The following RP1L1 variants were observed in gnomAD, a reference collection of about 807,000 sequenced individuals.
The protein encoded by RP1L1 is RP1 like 1, also known as retinitis pigmentosa 1-like 1 protein.
A neutral mutation model predicts 15.7 loss-of-function variants in RP1L1; 27 were observed. The ratio of observed to expected loss-of-function variants is 1.72; its 90% CI spans 1.27 to 2.38. The LOEUF (loss-of-function observed/expected upper bound fraction) is 2.38. RP1L1 is among the 30% of genes most tolerant of loss of function. The pLI is 0.00. For missense variants in RP1L1, 4,798 were observed against 3,075.9 expected, an observed-to-expected ratio of 1.56 and a Z score of -13.24; for synonymous variants, 1,813 against 1,276.7, an observed-to-expected ratio of 1.42 and a Z score of -8.96.
chr8:10,623,918 G>C (rs1464988388), intron 1 of RP1L1, among the ~76,000 whole-genome samples: 1 of 148,272 alleles, frequency 6.7e-6, no homozygotes, highest in African/African-American at 2.5e-5. Context: ...GCATCACCAT[G>C]TCCCAGAACC....
At chr8:10,644,986 A>G (rs55780559) in intron 1 of RP1L1, among the ~76,000 whole-genome samples, 12 of 152,298 alleles carry the variant, frequency 7.9e-5, no homozygotes, top group African/African-American at 2.9e-4. Context: ...TTATTTTAAC[A>G]TTGTTTGACA....
rs1563122842 is a variant in RP1L1, at chr8:10,610,254, C to T, written c.3844G>A (p.Glu1282Lys). The T allele has an allele frequency of 6.2e-7, 1 of 1,614,160 alleles. No homozygotes were observed. Among genetic ancestry groups the T allele is most frequent in the Admixed American group, 1.7e-5 (1 of 60,020 alleles). Residue 1282 changes from glutamate to lysine, a missense_variant, in exon 4 of 4, where the codon GAG becomes AAG. Transcript: ENST00000382483. ...NEDEAERDSE[E>K]QRASSNLEQL... The stretch of plus-strand genomic sequence containing the variant: ...TCCAGGTTCGAGCTCGCCCTCTGCT[C>T]CTCACTGTCTCTTTCTGCTTCATCC...
chr8:10,610,805 C>T lies in RP1L1; in HGVS notation c.3293G>A (p.Ser1098Asn). 2 of 1,609,934 alleles carry T rather than the reference C, an allele frequency of 1.2e-6. No individual in the cohort carries two copies. The highest frequency in any genetic ancestry group is 1.7e-6 in the Non-Finnish European group (2 of 1,177,610). The change falls in exon 4 of 4, where the codon AGC becomes AAC. Residue 1098 changes from serine to asparagine, a missense_variant. Physicochemically the swap from Ser to Asn is conservative, Grantham distance 46. Transcript: ENST00000382483. ...GGGCCTAGACACTTCGGGCACGCTGCTGGGCCGGCCCTGCTTGGAGCCCAT... is the reference window on the plus strand; with the variant it reads ...GGGCCTAGACACTTCGGGCACGCTGTTGGGCCGGCCCTGCTTGGAGCCCAT... ...ALMGSKQGRPSSVPEVSRPMA... is the reference protein window; with the variant it reads ...ALMGSKQGRPNSVPEVSRPMA...
At position 10,608,101 on chromosome 8, in the gene RP1L1, A is replaced by G. The variant is rs78593181; in HGVS notation, c.5997T>C (p.Asp1999=). ...AEGEAQPESE[D]VEAPEAEGEM... ...CCCCTTCAGCCTCTGGGGCCTCTACATCTTCTGACTCTGGCTGGGCCTCCC... is the reference window on the plus strand; with the variant it reads ...CCCCTTCAGCCTCTGGGGCCTCTACGTCTTCTGACTCTGGCTGGGCCTCCC... Residue 1999 remains aspartate, a synonymous_variant, in exon 4 of 4, where the codon GAT becomes GAC. Coordinates refer to ENST00000382483, the MANE Select transcript of RP1L1 (RefSeq NM_178857.6). 6,193 of 1,601,648 alleles carry G rather than the reference A, an allele frequency of 3.9e-3. 226 individuals carry two copies. The African/African-American group carries it at 0.079, about 20-fold the overall frequency.
intron 1 of RP1L1, among the ~76,000 whole-genome samples, chr8:10,639,996 C>G (rs75141355): frequency 6.6e-6 from 1 of 152,146 alleles, no homozygotes; most frequent in East Asian, 1.9e-4. Context: ...TTACAGGGTT[C>G]TAAATGGTCA....
intron 1 of RP1L1, among the ~76,000 whole-genome samples, chr8:10,645,796 CAGA>C (rs766932323): frequency 2.0e-5 from 3 of 152,132 alleles, no homozygotes; most frequent in Non-Finnish European, 4.4e-5. Context: ...TTAGACCAGG[CAGA>C]AGGACACGCT....
Position 10,613,045 on chromosome 8 carries a change from T to A in RP1L1, c.1053A>T (p.Ala351=). The A allele has an allele frequency of 6.2e-7, 1 of 1,613,544 alleles. No individual in the cohort carries two copies. The highest frequency in any genetic ancestry group is 8.5e-7 in the Non-Finnish European group (1 of 1,180,004). The change falls in exon 4 of 4, where the codon GCA becomes GCT. Residue 351 remains alanine, a synonymous_variant. Coordinates refer to ENST00000382483, the MANE Select transcript of RP1L1 (RefSeq NM_178857.6). ...CCAGAACGGGGTCTTCCCCACTGGC[T>A]GCCGTGAGGGCGCTGGCCCTGCCCA... is the stretch of plus-strand genomic sequence containing the variant. ...RRMGRASALT[A]ASGEDPVLGE...
In RP1L1 at chr8:10,611,501, C is replaced by G; in HGVS notation, c.2597G>C (p.Arg866Pro). The G allele has an allele frequency of 6.4e-7, 1 of 1,574,510 alleles. No individual in the cohort carries two copies. The highest frequency in any genetic ancestry group is 1.3e-5 in the African/African-American group (1 of 74,526). The change falls in exon 4 of 4, where the codon CGC (arginine) becomes CCC (proline). Residue 866 changes from arginine (R) to proline (P), a missense_variant. Transcript: ENST00000382483. Reference protein sequence around the residue: ...PPRGRPCPQRRSSSCGSTGSS... With the variant: ...PPRGRPCPQRPSSSCGSTGSS... ...GCCGGTGCTCCCACAGCTGGAAGAG[C>G]GCCTCTGGGGGCAGGGCCGCCCCCT...
rs1158348548 is a variant in RP1L1, at chr8:10,610,951, C to T, written c.3147G>A (p.Glu1049=). Residue 1049 remains glutamate, a synonymous_variant, in exon 4 of 4, where the codon GAG becomes GAA. Transcript: ENST00000382483. ...CCTCTGCAGGGGCCTCGGAAACTCC[C>T]TCTGGAGCTGCCCCTTGGGGGACAC... ...GEGVPQGAAP[E]GVSEAPAEAG... The T allele has an allele frequency of 1.2e-5, 19 of 1,611,872 alleles. No homozygotes were observed. Among genetic ancestry groups the T allele is most frequent in the Non-Finnish European group, 1.4e-5 (17 of 1,179,698 alleles).
At chr8:10,615,983 C>G (rs1213661869) in intron 3 of RP1L1, among the ~76,000 whole-genome samples, 1 of 152,040 alleles carries the variant, frequency 6.6e-6, no homozygotes, top group Non-Finnish European at 1.5e-5. Flanking sequence ...CGGCTCACTG[C>G]AGCCTCAACC....
At position 10,612,711 on chromosome 8, in the gene RP1L1, CG is replaced by C; in HGVS notation, c.1386del (p.Glu463ArgfsTer27). The stretch of plus-strand genomic sequence containing the variant: ...CAGGAGGACTCTGGCTCCGAGCCCT[CG>C]GGGAGGCCGGTGCTGGAGGCTGGGC... ...SASPASSTGL[P>X]EGSEPESSCC... On this transcript the variant is annotated frameshift_variant, in exon 4 of 4. Transcript: ENST00000382483. LOFTEE classifies it low-confidence loss of function (END_TRUNC). The C allele has an allele frequency of 6.2e-7, 1 of 1,604,782 alleles. No individual in the cohort carries two copies.
Position 10,608,143 on chromosome 8 carries a change from C to G in RP1L1, c.5955G>C (p.Glu1985Asp). Residue 1985 changes from glutamate to aspartate, a missense_variant, in exon 4 of 4, where the codon GAG becomes GAC. Glu to Asp is a conservative substitution (Grantham distance 45, BLOSUM62 2). Coordinates refer to ENST00000382483, the MANE Select transcript of RP1L1 (RefSeq NM_178857.6). ...GGGCCTCCCCTTCTGCCTCCTGGGTCTCCACTTCAACCTCCAGGGCCTCTA... is the reference window on the plus strand; with the variant it reads ...GGGCCTCCCCTTCTGCCTCCTGGGTGTCCACTTCAACCTCCAGGGCCTCTA... ...EDVEALEVEV[E>D]TQEAEGEAQP... 1.9e-6 allele frequency: 3 copies of G among 1,611,478 alleles called. No homozygotes were observed. The highest frequency in any genetic ancestry group is 2.5e-6 in the Non-Finnish European group (3 of 1,179,384).
At position 10,607,925 on chromosome 8, in the gene RP1L1, G is replaced by A. The variant is rs374789384; in HGVS notation, c.6173C>T (p.Pro2058Leu). Residue 2058 changes from proline (P) to leucine (L), a missense_variant, in exon 4 of 4, where the codon CCG becomes CTG. Transcript: ENST00000382483. ...AQPESDGVEAPEAEEEAQEAE... is the reference protein window; with the variant it reads ...AQPESDGVEALEAEEEAQEAE... The stretch of plus-strand genomic sequence containing the variant: ...CTCCTGTGCCTCCTCTTCTGCCTCC[G>A]GGGCCTCTACACCGTCTGACTCTGG... 2.9e-5 allele frequency: 46 copies of A among 1,586,084 alleles called. No homozygotes were observed. Among genetic ancestry groups the A allele is most frequent in the African/African-American group, 1.2e-4 (8 of 68,066 alleles).
At chr8:10,633,266 C>G (rs1319686091) in intron 1 of RP1L1, among the ~76,000 whole-genome samples, 2 of 152,116 alleles carry the variant, frequency 1.3e-5, no homozygotes, top group Non-Finnish European at 1.5e-5. Flanking sequence ...AGATGCTGAC[C>G]TCTCTCTCCC....
At position 10,612,908 on chromosome 8, in the gene RP1L1, C is replaced by A; in HGVS notation, c.1190G>T (p.Arg397Leu). 1 of 1,613,070 alleles carries A rather than the reference C, an allele frequency of 6.2e-7. No homozygotes were observed. The highest frequency in any genetic ancestry group is 8.5e-7 in the Non-Finnish European group (1 of 1,179,954). Reference sequence around the variant, plus strand: ...ATACTTGGGCCCTGGCTGCCCGCCTCGGCCAAAGACTTCCCTGCATCCCAC... The same window carrying A: ...ATACTTGGGCCCTGGCTGCCCGCCTAGGCCAAAGACTTCCCTGCATCCCAC... Reference protein sequence around the residue: ...CRVGCREVFGRGGQPGPKYEI... With the variant: ...CRVGCREVFGLGGQPGPKYEI... Residue 397 changes from arginine (R) to leucine (L), a missense_variant, in exon 4 of 4, where the codon CGA becomes CTA. Coordinates refer to ENST00000382483, the MANE Select transcript of RP1L1 (RefSeq NM_178857.6).
chr8:10,639,285 C>T (rs548365674), intron 1 of RP1L1, among the ~76,000 whole-genome samples: 2 of 152,174 alleles, frequency 1.3e-5, no homozygotes, highest in South Asian at 2.1e-4. Flanking sequence ...ACAGGACAAA[C>T]GAGCAGCCTA....
rs771409134 is a variant in RP1L1 at position 10,610,559 on chromosome 8, G to A, written c.3539C>T (p.Ala1180Val). 8 of 1,613,562 alleles carry A rather than the reference G, an allele frequency of 5.0e-6. No individual in the cohort carries two copies. The African/African-American group carries it at 8.0e-5, about 16-fold the overall frequency. Residue 1180 changes from alanine to valine, a missense_variant, in exon 4 of 4, where the codon GCT becomes GTT. Physicochemically the swap from Ala to Val is moderately conservative, Grantham distance 64. Coordinates refer to ENST00000382483, the MANE Select transcript of RP1L1 (RefSeq NM_178857.6). Reference protein sequence around the residue: ...SGLWELTWSQALPDLGSHAMT... With the variant: ...SGLWELTWSQVLPDLGSHAMT... The stretch of plus-strand genomic sequence containing the variant: ...GGCATGGGACCCAAGGTCTGGCAGA[G>A]CCTGGCTCCATGTGAGCTCCCAGAG...
chr8:10,636,812 T>A (rs1166396061), intron 1 of RP1L1, among the ~76,000 whole-genome samples: 3 of 152,132 alleles, frequency 2.0e-5, no homozygotes, highest in African/African-American at 7.2e-5. Flanking sequence ...CAGAACCGAC[T>A]CCCTCCTGGC....
intron 1 of RP1L1, among the ~76,000 whole-genome samples, chr8:10,630,863 G>C (rs1419329342): frequency 1.3e-5 from 2 of 152,246 alleles, no homozygotes; most frequent in African/African-American, 4.8e-5. Flanking sequence ...GTCTACAACA[G>C]AGATTCATAA....
Sources: allele counts gnomAD v4.1 joint callset (sites outside exome capture counted in the v4.1 genomes callset), GRCh38; gene constraint gnomAD v4.1.1; transcripts MANE v1.5; gene names NCBI Gene and HGNC (gene_info 2026-07-23, HGNC 2026-07-21).